The following SDK1 variants were observed in gnomAD, a reference collection of about 807,000 sequenced individuals.
SDK1 encodes protein sidekick-1.
Under a neutral mutation model 245.5 loss-of-function variants are expected in SDK1, and 157 were observed. The ratio of observed to expected loss-of-function variants is 0.64; its 90% CI spans 0.56 to 0.73. SDK1 has a LOEUF of 0.73. Ranked by LOEUF, SDK1 falls within the 30% of genes least tolerant of loss-of-function variation. The pLI is 0.00. For synonymous variants in SDK1, 1,647 were observed against 1,278.5 expected, an observed-to-expected ratio of 1.29 and a Z score of -6.15; for missense variants, 3,583 against 3,002.3, an observed-to-expected ratio of 1.19 and a Z score of -4.52.
chr7:4,163,274 T>C (rs1291174132), intron 32 of SDK1, among the ~76,000 whole-genome samples: 1 of 152,022 alleles, frequency 6.6e-6, no homozygotes, highest in Admixed American at 6.5e-5. Flanking sequence ...GGGCACGAGA[T>C]TCTTCCTTGG....
chr7:3,860,604 A>G (rs1392289299), intron 5 of SDK1, among the ~76,000 whole-genome samples: 2 of 152,200 alleles, frequency 1.3e-5, no homozygotes, highest in African/African-American at 2.4e-5. Flanking sequence ...GGTGATATCT[A>G]TTGAGAAAAT....
intron 4 of SDK1, among the ~76,000 whole-genome samples, chr7:3,673,529 A>G (rs1451583366): frequency 6.6e-6 from 1 of 152,246 alleles, no homozygotes; most frequent in Non-Finnish European, 1.5e-5. Context: ...TACATACCAT[A>G]GGCCCCGCCG....
chr7:3,772,052 C>A (rs940977139), intron 4 of SDK1, among the ~76,000 whole-genome samples: 2 of 152,160 alleles, frequency 1.3e-5, no homozygotes, highest in African/African-American at 4.8e-5. Context: ...AATGTAATGT[C>A]CTCAAAATTT....
intron 5 of SDK1, among the ~76,000 whole-genome samples, chr7:3,837,374 C>A (rs369408330): frequency 1.1e-4 from 16 of 152,132 alleles, no homozygotes; most frequent in East Asian, 5.8e-4. Context: ...CATGCTAGGA[C>A]CCCTTTCCCC....
rs1346093712 is a variant in SDK1, at chr7:4,175,840, T to C, written c.4996+6T>C. On this transcript the variant is annotated splice_donor_region_variant and intron_variant, in intron 34 of 44. Transcript: ENST00000404826. Reference sequence around the variant, plus strand: ...GACGATGTGTGAACTAACACGTAAGTGCGCTCTCAGCGGGAGGCCCATGCC... The same window carrying C: ...GACGATGTGTGAACTAACACGTAAGCGCGCTCTCAGCGGGAGGCCCATGCC... 5.0e-6 allele frequency: 8 copies of C among 1,612,424 alleles called. No individual in the cohort carries two copies. Among genetic ancestry groups the C allele is most frequent in the Non-Finnish European group, 6.8e-6 (8 of 1,179,494 alleles).
chr7:4,079,527 G>A lies in SDK1; in HGVS notation c.3267G>A (p.Gln1089=). The A allele has an allele frequency of 6.2e-7, 1 of 1,614,214 alleles. No homozygotes were observed. The highest frequency in any genetic ancestry group is 8.5e-7 in the Non-Finnish European group (1 of 1,180,048). ...SNISPRSATL[Q]FRPGYDGKTS... is the part of the protein sequence containing the mutation. The stretch of plus-strand genomic sequence containing the variant: ...TCAGCCCTCGCTCCGCCACCCTTCA[G>A]TTCCGGCCAGGCTATGACGGGAAAA... The change falls in exon 22 of 45, where the codon CAG becomes CAA. Residue 1089 remains glutamine, a synonymous_variant. Coordinates refer to ENST00000404826, the MANE Select transcript of SDK1 (RefSeq NM_152744.4).
intron 1 of SDK1, among the ~76,000 whole-genome samples, chr7:3,304,721 C>T (rs929690384): frequency 6.6e-6 from 1 of 152,150 alleles, no homozygotes; most frequent in African/African-American, 2.4e-5. Flanking sequence ...CATTGGAATT[C>T]GAGAACTACT....
intron 5 of SDK1, among the ~76,000 whole-genome samples, chr7:3,850,938 C>T (rs1397509363): frequency 6.6e-6 from 1 of 152,096 alleles, no homozygotes; most frequent in African/African-American, 2.4e-5. Flanking sequence ...AGAACACCAA[C>T]ATGGCACATG....
At chr7:4,011,467 C>A (rs1455321184) in intron 15 of SDK1, among the ~76,000 whole-genome samples, 1 of 152,210 alleles carries the variant, frequency 6.6e-6, no homozygotes, top group African/African-American at 2.4e-5. Context: ...GACGCTGATG[C>A]CACAGTCTTA....
At chr7:4,029,940 C>T (rs546219801) in intron 17 of SDK1, among the ~76,000 whole-genome samples, 4 of 152,196 alleles carry the variant, frequency 2.6e-5, no homozygotes, top group Admixed American at 1.3e-4. Context: ...CAACCACTAA[C>T]GTGGCAGCAG....
intron 4 of SDK1, among the ~76,000 whole-genome samples, chr7:3,775,961 C>A (rs1375319403): frequency 6.6e-6 from 1 of 152,218 alleles, no homozygotes; most frequent in Admixed American, 6.5e-5. Flanking sequence ...TGCACTGATT[C>A]TCGAAACGAG....
At chr7:3,956,485 A>C (rs1475018096) in intron 7 of SDK1, among the ~76,000 whole-genome samples, 1 of 152,218 alleles carries the variant, frequency 6.6e-6, no homozygotes, top group Non-Finnish European at 1.5e-5. Context: ...CTCAGAGGCC[A>C]CGCAGGGCAT....
At chr7:3,401,566 G>A (rs1220586365) in intron 1 of SDK1, among the ~76,000 whole-genome samples, 1 of 152,164 alleles carries the variant, frequency 6.6e-6, no homozygotes, top group Non-Finnish European at 1.5e-5. Flanking sequence ...GGTGAGTCTT[G>A]AAGAGGCTGT....
Position 4,127,495 on chromosome 7 carries a change from A to C in SDK1, c.3938A>C (p.Lys1313Thr), listed in dbSNP as rs1019566233. The change falls in exon 26 of 45, where the codon AAG becomes ACG. Residue 1313 changes from lysine to threonine, a missense_variant and splice_region_variant. By Grantham distance (78) the Lys-to-Thr change is moderately conservative. Coordinates refer to ENST00000404826, the MANE Select transcript of SDK1 (RefSeq NM_152744.4). Reference sequence around the variant, plus strand: ...CAGAATGGGCTCATACTGGGCTACAAGGTGTGTGATCACAGGATGACCTCC... The same window carrying C: ...CAGAATGGGCTCATACTGGGCTACACGGTGTGTGATCACAGGATGACCTCC... ...QDQNGLILGY[K>T]ILFRAKDLDP... 1.9e-6 allele frequency: 3 copies of C among 1,609,350 alleles called. No individual in the cohort carries two copies. Among genetic ancestry groups the C allele is most frequent in the Non-Finnish European group, 2.6e-6 (3 of 1,175,566 alleles).
chr7:3,303,913 T>C (rs1214557242), intron 1 of SDK1, among the ~76,000 whole-genome samples: 4 of 152,180 alleles, frequency 2.6e-5, no homozygotes, highest in South Asian at 2.1e-4. Context: ...TTGAATCTTA[T>C]CAGATGTAAC....
intron 17 of SDK1, among the ~76,000 whole-genome samples, chr7:4,042,858 C>G (rs1788732716): frequency 6.6e-6 from 1 of 152,196 alleles, no homozygotes; most frequent in African/African-American, 2.4e-5. Flanking sequence ...CTCTTTCTCG[C>G]TTGAGGGCAT....
At chr7:3,505,122 A>G (rs967235507) in intron 1 of SDK1, among the ~76,000 whole-genome samples, 2 of 152,226 alleles carry the variant, frequency 1.3e-5, no homozygotes, top group African/African-American at 2.4e-5. Context: ...GTCAGAATAA[A>G]GTAGGAATGT....
chr7:3,584,379 C>T (rs1780613996), intron 1 of SDK1, among the ~76,000 whole-genome samples: 1 of 152,186 alleles, frequency 6.6e-6, no homozygotes. Context: ...TCAAGCCCCA[C>T]ATGACCCTTC....
chr7:4,216,683 G>T (rs184575191), intron 38 of SDK1, among the ~76,000 whole-genome samples: 3 of 152,294 alleles, frequency 2.0e-5, no homozygotes, highest in Non-Finnish European at 2.9e-5. Flanking sequence ...ATCTCACCTG[G>T]TAGGGGATCT....
Sources: allele counts gnomAD v4.1 joint callset (sites outside exome capture counted in the v4.1 genomes callset), GRCh38; gene constraint gnomAD v4.1.1; transcripts MANE v1.5; gene names NCBI Gene and HGNC (gene_info 2026-07-23, HGNC 2026-07-21).